Variants in SLC39A11 observed in about 807,000 individuals in gnomAD.
The protein encoded by SLC39A11 is zinc transporter ZIP11.
Under a neutral mutation model 36.1 loss-of-function variants are expected in SLC39A11, and 33 were observed. The ratio of observed to expected loss-of-function variants is 0.91; its 90% CI spans 0.69 to 1.22. The LOEUF is 1.22. Among genes scored for constraint, SLC39A11 ranks in the 50% most tolerant of loss-of-function variants. The probability of loss-of-function intolerance (pLI) is 0.00; values close to 1 mark genes in which losing one functional copy is unlikely to be tolerated. For synonymous variants in SLC39A11, 166 were observed against 170.3 expected (o/e 0.97, Z 0.20); for missense variants, 432 against 430.3 (o/e 1.00, Z -0.03).
intron 6 of SLC39A11, among the ~76,000 whole-genome samples, chr17:72,744,142 T>C (rs1021306936): frequency 6.6e-6 from 1 of 152,152 alleles, no homozygotes; most frequent in Non-Finnish European, 1.5e-5. Flanking sequence ...GGCTCAAATC[T>C]TAGTATATTA....
chr17:72,778,379 C>A (rs16977387), intron 6 of SLC39A11, among the ~76,000 whole-genome samples: 78 of 152,312 alleles, frequency 5.1e-4, no homozygotes, highest in Non-Finnish European at 8.7e-4. Flanking sequence ...CTCTCCTGTT[C>A]GGCCGGCACA....
rs375356714 is a variant in SLC39A11 at position 72,648,820 on chromosome 17, G to A, written c.912C>T (p.Ile304=). ...TCTCCAACCTGATCTGGGCTTCGGG[G>A]ATGATGTCGTCCATGACCACGTAGA... is the stretch of plus-strand genomic sequence containing the variant. ...AMVYVVMDDI[I]PEAQISGNGK... is the part of the protein sequence containing the mutation. The change falls in exon 9 of 10, where the codon ATC becomes ATT. Residue 304 remains isoleucine (I), a synonymous_variant. Coordinates refer to ENST00000255559, the MANE Select transcript of SLC39A11 (RefSeq NM_139177.4). 13 of 1,614,080 alleles carry A rather than the reference G, an allele frequency of 8.1e-6. No individual in the cohort carries two copies. In the African/African-American group the frequency reaches 1.3e-4, roughly 17 times the overall value.
intron 7 of SLC39A11, among the ~76,000 whole-genome samples, chr17:72,655,732 A>G (rs1455041000): frequency 6.6e-6 from 1 of 152,176 alleles, no homozygotes; most frequent in East Asian, 1.9e-4. Flanking sequence ...GGAGCTTTGG[A>G]GGAGATCTGG....
chr17:72,743,061 G>C (rs955247279), intron 6 of SLC39A11, among the ~76,000 whole-genome samples: 1 of 152,150 alleles, frequency 6.6e-6, no homozygotes, highest in Non-Finnish European at 1.5e-5. Context: ...CAAAACAATC[G>C]CTTGGAGTAG....
At chr17:72,751,226 C>T (rs1042432878) in intron 6 of SLC39A11, among the ~76,000 whole-genome samples, 1 of 152,106 alleles carries the variant, frequency 6.6e-6, no homozygotes, top group African/African-American at 2.4e-5. Context: ...CCAGCCTGGG[C>T]GACAGAGTGA....
At chr17:72,773,184 T>C (rs1042281688) in intron 6 of SLC39A11, among the ~76,000 whole-genome samples, 10 of 152,230 alleles carry the variant, frequency 6.6e-5, no homozygotes, top group African/African-American at 2.4e-4. Context: ...CACAAATGAA[T>C]TGTCCTGAAA....
At chr17:72,912,968 G>C (rs149073481) in intron 5 of SLC39A11, among the ~76,000 whole-genome samples, 3 of 152,068 alleles carry the variant, frequency 2.0e-5, no homozygotes, top group African/African-American at 7.2e-5. Context: ...GTGTCAGGAC[G>C]GTAGCAAAAT....
chr17:72,972,146 A>G (rs1244117874), intron 4 of SLC39A11, among the ~76,000 whole-genome samples: 2 of 152,238 alleles, frequency 1.3e-5, no homozygotes, highest in African/African-American at 4.8e-5. Context: ...TCAAATCTAA[A>G]TAAGTGAATA....
intron 7 of SLC39A11, among the ~76,000 whole-genome samples, chr17:72,668,421 A>G (rs1036653626): frequency 9.9e-5 from 15 of 152,174 alleles, no homozygotes; most frequent in Non-Finnish European, 2.1e-4. Flanking sequence ...GAGGAAGCCA[A>G]TGTAATACTT....
chr17:73,021,198 G>A (rs1014746375), intron 4 of SLC39A11, among the ~76,000 whole-genome samples: 3 of 152,238 alleles, frequency 2.0e-5, no homozygotes, highest in South Asian at 2.1e-4. Flanking sequence ...GATGGACCAC[G>A]CAGGCATGAC....
chr17:72,659,306 C>T (rs190433405), intron 7 of SLC39A11, among the ~76,000 whole-genome samples: 3 of 152,228 alleles, frequency 2.0e-5, no homozygotes, highest in Non-Finnish European at 4.4e-5. Flanking sequence ...ATGATTTTGG[C>T]GGAGACAGAT....
chr17:72,930,858 C>T (rs374392233), intron 5 of SLC39A11, among the ~76,000 whole-genome samples: 7 of 152,310 alleles, frequency 4.6e-5, no homozygotes, highest in Admixed American at 2.0e-4. Flanking sequence ...AGGAGAACTT[C>T]ACCCAGATCT....
chr17:72,991,196 G>C (rs1009688959), intron 4 of SLC39A11, among the ~76,000 whole-genome samples: 81 of 151,850 alleles, frequency 5.3e-4, no homozygotes, highest in African/African-American at 1.9e-3. Context: ...AAATTCCATG[G>C]GTATGCTTTA....
At chr17:72,891,134 T>C (rs1045030615) in intron 5 of SLC39A11, among the ~76,000 whole-genome samples, 1 of 151,984 alleles carries the variant, frequency 6.6e-6, no homozygotes, top group Admixed American at 6.6e-5. Flanking sequence ...CTTTTCCAGA[T>C]AAAAGACATA....
At position 72,852,061 on chromosome 17, in the gene SLC39A11, C is replaced by T. The variant is rs1039809811; in HGVS notation, c.431-2257G>A. 4.0e-5 allele frequency among the ~76,000 whole-genome samples: 6 copies of T among 151,200 alleles called. No individual in the cohort carries two copies. In the South Asian group the frequency reaches 6.3e-4, roughly 16 times the overall value. On this transcript the variant is annotated intron_variant, in intron 5 of 9. Coordinates refer to ENST00000255559, the MANE Select transcript of SLC39A11 (RefSeq NM_139177.4). The stretch of plus-strand genomic sequence containing the variant: ...ACTAAAAATACAAAAATTAACTGGG[C>T]GTGGTGGCAGGCGCCTGTAGTCCCA...
chr17:72,997,082 A>G (rs922560256), intron 4 of SLC39A11, among the ~76,000 whole-genome samples: 3 of 152,160 alleles, frequency 2.0e-5, no homozygotes, highest in East Asian at 1.9e-4. Context: ...AAGCTCTATT[A>G]TCAATAGAGT....
intron 5 of SLC39A11, among the ~76,000 whole-genome samples, chr17:72,859,330 C>T (rs2079826784): frequency 7.4e-6 from 1 of 135,492 alleles, no homozygotes; most frequent in Non-Finnish European, 1.5e-5. Context: ...CAGATAAAAC[C>T]AAGATTGTTT....
At chr17:72,981,856 G>A (rs992702494) in intron 4 of SLC39A11, among the ~76,000 whole-genome samples, 18 of 152,072 alleles carry the variant, frequency 1.2e-4, no homozygotes, top group Non-Finnish European at 2.2e-4. Flanking sequence ...ACCAACCATG[G>A]AACAGAAAAG....
chr17:72,766,655 A>C (rs2075771380), intron 6 of SLC39A11, among the ~76,000 whole-genome samples: 1 of 152,010 alleles, frequency 6.6e-6, no homozygotes, highest in Admixed American at 6.6e-5. Context: ...AATATAACTT[A>C]CTCAGAGAAA....
Sources: allele counts gnomAD v4.1 joint callset (sites outside exome capture counted in the v4.1 genomes callset), GRCh38; gene constraint gnomAD v4.1.1; transcripts MANE v1.5; gene names NCBI Gene and HGNC (gene_info 2026-07-23, HGNC 2026-07-21).